The following AP3B1 variants were observed in gnomAD, a reference collection of about 807,000 sequenced individuals.
AP3B1 encodes the protein AP-3 complex subunit beta-1.
A neutral mutation model predicts 132.5 loss-of-function variants in AP3B1; 61 were observed. The observed-to-expected ratio is 0.46, with a 90% CI of 0.37 to 0.57. AP3B1 has a LOEUF of 0.57. Among genes scored for constraint, AP3B1 ranks in the 20% least tolerant of loss-of-function variants. AP3B1 has a pLI of 0.00. For synonymous variants in AP3B1, 388 were observed against 438.3 expected (o/e 0.89, Z 1.43); for missense variants, 1,120 against 1,289.4 (o/e 0.87, Z 2.01).
At chr5:78,077,063 G>A (rs961886983) in intron 22 of AP3B1, among the ~76,000 whole-genome samples, 1 of 152,154 alleles carries the variant, frequency 6.6e-6, no homozygotes, top group Non-Finnish European at 1.5e-5. Context: ...TTAGTCTGGA[G>A]GACTGTGCCT....
At chr5:78,265,119 A>G (rs1748263701) in intron 2 of AP3B1, among the ~76,000 whole-genome samples, 1 of 152,200 alleles carries the variant, frequency 6.6e-6, no homozygotes, top group Admixed American at 6.6e-5. Flanking sequence ...TTAGTATACT[A>G]TAACTTAAAA....
At chr5:78,107,565 T>C (rs962918271) in intron 20 of AP3B1, among the ~76,000 whole-genome samples, 17 of 151,978 alleles carry the variant, frequency 1.1e-4, no homozygotes, top group African/African-American at 4.1e-4. Flanking sequence ...CAAAAGGAAG[T>C]AGGAGTTACC....
intron 2 of AP3B1, among the ~76,000 whole-genome samples, chr5:78,265,080 G>A (rs1397708041): frequency 6.6e-6 from 1 of 151,980 alleles, no homozygotes; most frequent in African/African-American, 2.4e-5. Context: ...AAATTTATAG[G>A]AAAGTGAAAA....
intron 22 of AP3B1, among the ~76,000 whole-genome samples, chr5:78,068,039 A>G (rs1328919694): frequency 6.6e-6 from 1 of 152,020 alleles, no homozygotes; most frequent in Admixed American, 6.6e-5. Context: ...TAAAGAAGAA[A>G]AGAGGCCTGG....
At chr5:78,235,136 T>C (rs758601710) in intron 3 of AP3B1, among the ~76,000 whole-genome samples, 4 of 152,236 alleles carry the variant, frequency 2.6e-5, no homozygotes, top group Admixed American at 6.5e-5. Flanking sequence ...ATTAGGACTC[T>C]AGGTGCACAC....
chr5:78,275,814 C>T (rs975669369), intron 1 of AP3B1, among the ~76,000 whole-genome samples: 6 of 152,018 alleles, frequency 3.9e-5, no homozygotes, highest in Admixed American at 3.9e-4. Context: ...CTGGCAGAAC[C>T]AGGAAACGAA....
chr5:78,110,015 G>C (rs190127373), intron 20 of AP3B1, among the ~76,000 whole-genome samples, 192 bp downstream of exon 20: 2 of 152,078 alleles, frequency 1.3e-5, no homozygotes, highest in Admixed American at 6.6e-5. Context: ...GGTCATATGC[G>C]TAAGAGTTCC....
intron 11 of AP3B1, among the ~76,000 whole-genome samples, chr5:78,169,986 T>A (rs998438265): frequency 1.3e-5 from 2 of 152,132 alleles, no homozygotes; most frequent in African/African-American, 4.8e-5. Context: ...ACTTCCCACC[T>A]ATGAGTGAAA....
chr5:78,095,980 A>T (rs1018194951), intron 21 of AP3B1, among the ~76,000 whole-genome samples: 13 of 152,134 alleles, frequency 8.5e-5, no homozygotes, highest in African/African-American at 2.9e-4. Context: ...ATTCTTAAAA[A>T]CTTGATTTTT....
At chr5:78,269,867 G>C (rs1014117917) in intron 1 of AP3B1, among the ~76,000 whole-genome samples, 5 of 151,940 alleles carry the variant, frequency 3.3e-5, no homozygotes, top group Non-Finnish European at 7.4e-5. Flanking sequence ...ATTTTATTTT[G>C]TGTGCCTTTT....
At chr5:78,196,229 C>T (rs1308087719) in intron 7 of AP3B1, among the ~76,000 whole-genome samples, 2 of 152,036 alleles carry the variant, frequency 1.3e-5, no homozygotes, top group African/African-American at 2.4e-5. Context: ...GAAGAGATAC[C>T]TCACCAAAAA....
intron 23 of AP3B1, 102 bp downstream of exon 23, chr5:78,038,941 T>C (rs1182744189): frequency 2.2e-5 from 16 of 721,740 alleles, no homozygotes; most frequent in Middle Eastern, 3.9e-4. Context: ...ACAATCATAT[T>C]CTACTTTACT....
intron 11 of AP3B1, among the ~76,000 whole-genome samples, chr5:78,171,357 T>C (rs887497091): frequency 6.6e-6 from 1 of 152,240 alleles, no homozygotes; most frequent in African/African-American, 2.4e-5. Flanking sequence ...TAATTCTTCC[T>C]ATCCATGAGC....
intron 22 of AP3B1, among the ~76,000 whole-genome samples, chr5:78,078,732 C>T (rs189194751): frequency 3.3e-5 from 5 of 152,316 alleles, no homozygotes; most frequent in African/African-American, 1.2e-4. Flanking sequence ...TTTTCATTCA[C>T]TAAACTGTGA....
chr5:78,207,459 A>G (rs1452143970), intron 7 of AP3B1, among the ~76,000 whole-genome samples: 1 of 151,988 alleles, frequency 6.6e-6, no homozygotes, highest in East Asian at 1.9e-4. Context: ...CATTAAAGAA[A>G]TTTTCTAAAA....
intron 22 of AP3B1, chr5:78,041,895 C>T: frequency 5.2e-6 from 1 of 192,214 alleles, no homozygotes; most frequent in South Asian, 1.2e-4. Context: ...CTCACTCAGG[C>T]AGCTGCAGAC....
intron 1 of AP3B1, among the ~76,000 whole-genome samples, chr5:78,288,771 T>C (rs1161380932): frequency 6.6e-6 from 1 of 152,174 alleles, no homozygotes; most frequent in Non-Finnish European, 1.5e-5. Flanking sequence ...CAGTCTTTAA[T>C]ATGAGCAGAA....
chr5:78,066,075 C>T (rs1749276851), intron 22 of AP3B1, among the ~76,000 whole-genome samples: 2 of 152,166 alleles, frequency 1.3e-5, no homozygotes, highest in East Asian at 1.9e-4. Context: ...AGCAGCTCTA[C>T]AGAAGAGGGG....
intron 9 of AP3B1, among the ~76,000 whole-genome samples, 153 bp from the exon 10 acceptor site, chr5:78,175,991 T>G (rs888486838): frequency 2.0e-5 from 3 of 152,214 alleles, no homozygotes; most frequent in African/African-American, 7.2e-5. Flanking sequence ...CTTAGATGTG[T>G]GTCTTTTTAA....
Sources: gnomAD v4.1 joint callset for allele counts (sites outside exome capture counted in the v4.1 genomes callset) on GRCh38, gnomAD v4.1.1 for gene constraint, MANE v1.5 for transcripts, NCBI Gene and HGNC (gene_info 2026-07-23, HGNC 2026-07-21) for gene names.